PPP2R2B: variants seen among roughly 807,000 people sequenced by gnomAD.
PPP2R2B encodes protein phosphatase 2 regulatory subunit Bbeta.
A neutral mutation model predicts 46.0 loss-of-function variants in PPP2R2B; 5 were observed. That is an observed-to-expected ratio of 0.11 (90% CI 0.06 to 0.23). The LOEUF (loss-of-function observed/expected upper bound fraction) is 0.23, where lower values mean the gene tolerates loss of function less well. Among genes scored for constraint, PPP2R2B ranks in the 10% least tolerant of loss-of-function variants. PPP2R2B has a pLI of 1.00. For synonymous variants in PPP2R2B, 215 were observed against 206.7 expected (o/e 1.04, Z -0.34); for missense variants, 367 against 575.0 (o/e 0.64, Z 3.70).
At chr5:146,891,905 A>G (rs1191826637) in intron 1 of PPP2R2B, among the ~76,000 whole-genome samples, 1 of 152,198 alleles carries the variant, frequency 6.6e-6, no homozygotes, top group Non-Finnish European at 1.5e-5. Flanking sequence ...GACAGCAACA[A>G]CAGAGCATTA....
chr5:146,782,631 C>T (rs897929162), intron 2 of PPP2R2B, among the ~76,000 whole-genome samples: 18 of 152,152 alleles, frequency 1.2e-4, no homozygotes, highest in African/African-American at 4.3e-4. Context: ...TTCTTCAAAC[C>T]TAATACCTCA....
intron 2 of PPP2R2B, among the ~76,000 whole-genome samples, chr5:146,767,315 A>G (rs140685075): frequency 6.6e-6 from 1 of 152,260 alleles, no homozygotes; most frequent in East Asian, 1.9e-4. Flanking sequence ...AGCAAATTTC[A>G]TTTAATTCAT....
chr5:147,056,194 A>T (rs1482113915), upstream of PPP2R2B: 1 of 888,972 alleles, frequency 1.1e-6, no homozygotes, highest in Non-Finnish European at 1.3e-6. Context: ...AGATGAAACA[A>T]AGACAGCATA....
At chr5:146,590,745 G>A (rs1454819651) in intron 9 of PPP2R2B, among the ~76,000 whole-genome samples, 1 of 152,122 alleles carries the variant, frequency 6.6e-6, no homozygotes, top group Non-Finnish European at 1.5e-5. Context: ...GTGGCATCGT[G>A]CACGAACCCG....
chr5:147,002,869 G>T (rs1754244453), intron 1 of PPP2R2B, among the ~76,000 whole-genome samples: 2 of 151,986 alleles, frequency 1.3e-5, no homozygotes, highest in Non-Finnish European at 2.9e-5. Flanking sequence ...AGGTGGTTTT[G>T]TCTTTCAGAT....
intron 1 of PPP2R2B, among the ~76,000 whole-genome samples, chr5:146,887,094 T>C (rs1762352705): frequency 6.6e-6 from 1 of 152,070 alleles, no homozygotes; most frequent in South Asian, 2.1e-4. Flanking sequence ...TTTAATATAT[T>C]TATATTTGAA....
chr5:146,590,254 C>CCGAGTATTACGGAGA (rs199943453), intron 9 of PPP2R2B, 28 bp from the exon 10 acceptor site: 2 of 1,603,832 alleles, frequency 1.2e-6, no homozygotes, highest in Admixed American at 1.7e-5. Flanking sequence ...AAGGCAATGA[C>CCGAGTATTACGGAGA]ATATCTTCAC....
At chr5:146,705,933 C>CAT (rs1779811275) in intron 2 of PPP2R2B, among the ~76,000 whole-genome samples, 1 of 139,464 alleles carries the variant, frequency 7.2e-6, no homozygotes, top group Non-Finnish European at 1.6e-5. Context: ...TATCTTTTCT[C>CAT]TTTTTTTTTT....
intron 6 of PPP2R2B, among the ~76,000 whole-genome samples, chr5:146,650,225 G>C (rs1381689749): frequency 6.6e-6 from 1 of 152,132 alleles, no homozygotes; most frequent in Non-Finnish European, 1.5e-5. Context: ...AACAGAGAAA[G>C]AACCTGAACT....
In PPP2R2B at chr5:147,018,691, C is replaced by T. The variant is rs558179168; in HGVS notation, c.79+36974G>A. Among the ~76,000 whole-genome samples, 12 of 152,224 alleles carry T rather than the reference C, an allele frequency of 7.9e-5. No homozygotes were observed. The South Asian group carries it at 2.5e-3, about 32-fold the overall frequency. On this transcript the variant is annotated intron_variant, in intron 1 of 8. Transcript: ENST00000336640. The stretch of plus-strand genomic sequence containing the variant: ...AACAGAGTTGGTGTTGTGTTAGTTT[C>T]ATTTGTCATGGGACCCCTTGCAGGA...
chr5:147,048,435 T>G (rs74819327), intron 1 of PPP2R2B, among the ~76,000 whole-genome samples: 1 of 152,178 alleles, frequency 6.6e-6, no homozygotes, highest in Non-Finnish European at 1.5e-5. Context: ...TTTTGAGAGA[T>G]AGTAACTGTG....
chr5:147,037,450 G>A (rs554063332), intron 1 of PPP2R2B, among the ~76,000 whole-genome samples: 110 of 151,756 alleles, frequency 7.2e-4, no homozygotes, highest in African/African-American at 2.1e-3. Context: ...ATATAGGTAT[G>A]TAATTATAAA....
intron 2 of PPP2R2B, chr5:146,707,195 A>G: frequency 1.3e-6 from 2 of 1,572,582 alleles, no homozygotes; most frequent in Non-Finnish European, 1.7e-6. Flanking sequence ...TAGCTCTCGA[A>G]TATGTTGTCC....
intron 2 of PPP2R2B, 81 bp downstream of exon 2, chr5:146,877,921 C>A: frequency 6.7e-7 from 1 of 1,499,638 alleles, no homozygotes; most frequent in South Asian, 1.3e-5. Flanking sequence ...TCCGCCACTA[C>A]GCGCCCAGCT....
At chr5:146,844,365 A>C (rs1561952725) in intron 2 of PPP2R2B, among the ~76,000 whole-genome samples, 2 of 133,176 alleles carry the variant, frequency 1.5e-5, no homozygotes, top group Non-Finnish European at 3.1e-5. Context: ...AAAAAAAAAA[A>C]ACATTAAAAA....
At chr5:146,834,182 CCATA>C (rs1453608095) in intron 2 of PPP2R2B, among the ~76,000 whole-genome samples, 1 of 152,160 alleles carries the variant, frequency 6.6e-6, no homozygotes, top group Non-Finnish European at 1.5e-5. Flanking sequence ...AGGGCATACA[CCATA>C]CTAGACAAGG....
chr5:146,624,426 A>G (rs116390193), intron 7 of PPP2R2B, among the ~76,000 whole-genome samples: 2 of 151,640 alleles, frequency 1.3e-5, no homozygotes, highest in Non-Finnish European at 2.9e-5. Flanking sequence ...TCTTTTTTTT[A>G]AAAAAACAGT....
chr5:146,933,068 G>T (rs562173429), intron 1 of PPP2R2B, among the ~76,000 whole-genome samples: 130 of 152,236 alleles, frequency 8.5e-4, no homozygotes, highest in African/African-American at 3.0e-3. Flanking sequence ...ATTAAAGCTG[G>T]TTGTATTCAA....
intron 5 of PPP2R2B, among the ~76,000 whole-genome samples, chr5:146,687,025 A>ATG (rs200774528): frequency 0.013 from 1,750 of 139,078 alleles, 44 homozygotes; most frequent in African/African-American, 0.042. Flanking sequence ...GTGTGTGTGT[A>ATG]TGTGTGTGTG....
Sources: gnomAD v4.1 joint callset for allele counts (sites outside exome capture counted in the v4.1 genomes callset) on GRCh38, gnomAD v4.1.1 for gene constraint, MANE v1.5 for transcripts, NCBI Gene and HGNC (gene_info 2026-07-23, HGNC 2026-07-21) for gene names.